ANTXR1: variants seen among roughly 807,000 people sequenced by gnomAD.
The protein encoded by ANTXR1 is ANTXR cell adhesion molecule 1.
ANTXR1 carries 19 observed loss-of-function variants against 78.1 expected under a neutral mutation model. That is an observed-to-expected ratio of 0.24 (90% CI 0.17 to 0.36). The LOEUF (loss-of-function observed/expected upper bound fraction) is 0.36, where lower values mean the gene tolerates loss of function less well. ANTXR1 is among the 10% of genes least tolerant of loss of function. The pLI is 1.00. For missense variants in ANTXR1, 518 were observed against 718.6 expected (o/e 0.72, Z 3.19); for synonymous variants, 273 against 260.5 (o/e 1.05, Z -0.46).
chr2:69,144,070 G>A (rs1673148261), intron 12 of ANTXR1, among the ~76,000 whole-genome samples: 1 of 152,166 alleles, frequency 6.6e-6, no homozygotes, highest in African/African-American at 2.4e-5. Flanking sequence ...AATAAAAATT[G>A]CCCATGCTTT....
At chr2:69,161,563 T>C (rs934804835) in intron 13 of ANTXR1, among the ~76,000 whole-genome samples, 5 of 152,220 alleles carry the variant, frequency 3.3e-5, no homozygotes, top group African/African-American at 9.7e-5. Context: ...CTCTATTCAA[T>C]TGATGCTGTC....
At chr2:69,112,017 C>G (rs1021901513) in intron 10 of ANTXR1, among the ~76,000 whole-genome samples, 3 of 152,246 alleles carry the variant, frequency 2.0e-5, no homozygotes, top group East Asian at 1.9e-4. Context: ...AACGCAATCT[C>G]GATACATCCC....
intron 14 of ANTXR1, among the ~76,000 whole-genome samples, chr2:69,175,434 G>GC (rs905931051): frequency 1.4e-5 from 2 of 143,704 alleles, no homozygotes; most frequent in African/African-American, 5.9e-5. Context: ...TAGGGAGACC[G>GC]CCCCCCGCCC....
intron 17 of ANTXR1, among the ~76,000 whole-genome samples, chr2:69,205,594 T>TG (rs1166599572): frequency 9.5e-6 from 1 of 104,936 alleles, no homozygotes; most frequent in Admixed American, 9.3e-5. Context: ...ACCATGGCTT[T>TG]TTTTTTTTTT....
At chr2:69,132,147 C>T (rs1672769135) in intron 12 of ANTXR1, among the ~76,000 whole-genome samples, 1 of 152,192 alleles carries the variant, frequency 6.6e-6, no homozygotes, top group South Asian at 2.1e-4. Flanking sequence ...ATTGGCATGG[C>T]CTGAGCTCAC....
At chr2:69,126,756 T>C (rs1215388330) in intron 12 of ANTXR1, among the ~76,000 whole-genome samples, 2 of 152,128 alleles carry the variant, frequency 1.3e-5, no homozygotes, top group African/African-American at 4.8e-5. Context: ...TGCCAATGCA[T>C]TGCAAAATTA....
chr2:69,179,447 C>T (rs1316826973), intron 14 of ANTXR1, among the ~76,000 whole-genome samples: 1 of 150,834 alleles, frequency 6.6e-6, no homozygotes, highest in Non-Finnish European at 1.5e-5. Context: ...CTCAGGCAGG[C>T]TGAGGTGAGA....
chr2:69,029,513 G>T (rs534569888), intron 1 of ANTXR1, among the ~76,000 whole-genome samples: 37 of 151,158 alleles, frequency 2.4e-4, no homozygotes, highest in Non-Finnish European at 4.7e-4. Context: ...TACAATCTTC[G>T]ATAATTTCTT....
At chr2:69,197,934 C>T (rs971835893) in intron 17 of ANTXR1, among the ~76,000 whole-genome samples, 5 of 152,188 alleles carry the variant, frequency 3.3e-5, no homozygotes, top group Non-Finnish European at 5.9e-5. Context: ...ATCACGTCAC[C>T]ATTGTCAAGG....
At chr2:69,202,538 G>C (rs970890110) in intron 17 of ANTXR1, among the ~76,000 whole-genome samples, 2 of 152,210 alleles carry the variant, frequency 1.3e-5, no homozygotes, top group African/African-American at 2.4e-5. Context: ...GCGTGTGGCA[G>C]AGATCCAGTA....
chr2:69,017,976 A>G (rs1166945328), intron 1 of ANTXR1, among the ~76,000 whole-genome samples: 1 of 152,060 alleles, frequency 6.6e-6, no homozygotes, highest in East Asian at 1.9e-4. Flanking sequence ...GCTATTAGTC[A>G]CTTGAATGGA....
At chr2:69,155,825 G>C (rs989454795) in intron 13 of ANTXR1, among the ~76,000 whole-genome samples, 5 of 152,134 alleles carry the variant, frequency 3.3e-5, no homozygotes, top group African/African-American at 1.2e-4. Flanking sequence ...AAAGGCCATC[G>C]TATCCTGCCT....
intron 9 of ANTXR1, among the ~76,000 whole-genome samples, chr2:69,096,360 G>A (rs1671424196): frequency 1.3e-4 from 6 of 45,478 alleles, no homozygotes; most frequent in African/African-American, 7.6e-4. Context: ...AAGGGAGGAA[G>A]GGAGGAAGGG....
intron 17 of ANTXR1, among the ~76,000 whole-genome samples, chr2:69,241,588 CAT>C (rs1675895222): frequency 6.6e-6 from 1 of 152,252 alleles, no homozygotes; most frequent in East Asian, 1.9e-4. Flanking sequence ...AGAGAACAAA[CAT>C]AAGAGTGCAG....
chr2:69,149,120 C>T (rs1024736733), intron 12 of ANTXR1, among the ~76,000 whole-genome samples: 2 of 152,188 alleles, frequency 1.3e-5, no homozygotes, highest in African/African-American at 2.4e-5. Context: ...ACAGTGCATT[C>T]GGGGGCTTTA....
intron 14 of ANTXR1, among the ~76,000 whole-genome samples, chr2:69,173,379 T>C (rs879334082): frequency 1.3e-5 from 2 of 152,148 alleles, no homozygotes; most frequent in African/African-American, 4.8e-5. Flanking sequence ...CAGTTCCCAA[T>C]AGGGGAAAAT....
intron 17 of ANTXR1, among the ~76,000 whole-genome samples, chr2:69,224,014 T>C (rs868738533): frequency 6.6e-5 from 10 of 152,370 alleles, no homozygotes; most frequent in Middle Eastern, 3.4e-3. Flanking sequence ...TTGAATGCTG[T>C]CTACTATAAC....
intron 12 of ANTXR1, among the ~76,000 whole-genome samples, chr2:69,129,833 G>C (rs1672675324): frequency 1.3e-5 from 2 of 152,108 alleles, no homozygotes; most frequent in Admixed American, 1.3e-4. Flanking sequence ...TTTCAGAGCA[G>C]GGAAGGATAA....
intron 12 of ANTXR1, among the ~76,000 whole-genome samples, chr2:69,140,785 T>C (rs1287903893): frequency 6.6e-6 from 1 of 152,246 alleles, no homozygotes; most frequent in East Asian, 1.9e-4. Context: ...TTATGTTCAC[T>C]ACATGAACAG....
Sources: allele counts gnomAD v4.1 joint callset (sites outside exome capture counted in the v4.1 genomes callset), GRCh38; gene constraint gnomAD v4.1.1; transcripts MANE v1.5; gene names NCBI Gene and HGNC (gene_info 2026-07-23, HGNC 2026-07-21).